PPARD: variants seen among roughly 807,000 people sequenced by gnomAD.
The protein encoded by PPARD is peroxisome proliferator activated receptor delta.
Under a neutral mutation model 39.5 loss-of-function variants are expected in PPARD, and 6 were observed. The observed-to-expected ratio is 0.15, with a 90% confidence interval of 0.08 to 0.30. The LOEUF is 0.30. Among genes scored for constraint, PPARD ranks in the 10% least tolerant of loss-of-function variants. PPARD has a pLI of 1.00. For missense variants in PPARD, 397 were observed against 596.8 expected, an observed-to-expected ratio of 0.67 and a Z score of 3.49; for synonymous variants, 210 against 231.3, an observed-to-expected ratio of 0.91 and a Z score of 0.83.
intron 2 of PPARD, among the ~76,000 whole-genome samples, chr6:35,404,219 C>G (rs556713426): frequency 3.9e-5 from 6 of 152,316 alleles, no homozygotes; most frequent in East Asian, 3.9e-4. Context: ...TCCTGCTTCT[C>G]TAGTTACTGT....
intron 2 of PPARD, among the ~76,000 whole-genome samples, chr6:35,389,515 G>A (rs968041578): frequency 5.3e-5 from 8 of 152,094 alleles, no homozygotes; most frequent in African/African-American, 1.9e-4. Flanking sequence ...GTTTCACCAT[G>A]TTGGCCAGGC....
chr6:35,364,298 G>A (rs547631492), intron 2 of PPARD, among the ~76,000 whole-genome samples: 2 of 152,202 alleles, frequency 1.3e-5, no homozygotes, highest in South Asian at 4.1e-4. Context: ...GTAAATTGGT[G>A]GACATTTGGG....
At chr6:35,395,980 C>G (rs9658108) in intron 2 of PPARD, among the ~76,000 whole-genome samples, 6,190 of 152,186 alleles carry the variant, frequency 0.041, 271 homozygotes, top group African/African-American at 0.11. Flanking sequence ...TTGATTCACA[C>G]GGAAGCTGGG....
Position 35,420,151 on chromosome 6 carries a change from C to T in PPARD, c.155C>T (p.Pro52Leu), listed in dbSNP as rs755423943. The change falls in exon 4 of 8, where the codon CCC becomes CTC. Residue 52 changes from proline (P) to leucine (L), a missense_variant. Coordinates refer to ENST00000360694, the MANE Select transcript of PPARD (RefSeq NM_006238.5). ...GACCTCTCCCGGAGCTCCTCGCCAC[C>T]CTCACTGCTGGACCAACTGCAGATG... ...YTDLSRSSSPPSLLDQLQMGC... is the reference protein window; with the variant it reads ...YTDLSRSSSPLSLLDQLQMGC... 6.8e-6 allele frequency: 11 copies of T among 1,613,470 alleles called. No homozygotes were observed. The East Asian group carries it at 2.5e-4, about 36-fold the overall frequency.
intron 3 of PPARD, 125 bp downstream of exon 3, chr6:35,411,342 C>G: frequency 1.6e-6 from 2 of 1,227,264 alleles, no homozygotes; most frequent in Non-Finnish European, 2.1e-6. Flanking sequence ...GGACTGGAGC[C>G]GGAAGCCTGG....
At chr6:35,410,607 G>T (rs1039443674) in intron 2 of PPARD, among the ~76,000 whole-genome samples, 3 of 152,194 alleles carry the variant, frequency 2.0e-5, no homozygotes, top group African/African-American at 7.2e-5. Context: ...TGGGAGGCGT[G>T]ATGCATATCT....
At chr6:35,372,523 C>A (rs12173582) in intron 2 of PPARD, among the ~76,000 whole-genome samples, 8 of 152,194 alleles carry the variant, frequency 5.3e-5, no homozygotes, top group Non-Finnish European at 1.2e-4. Context: ...CTAGCCAAAT[C>A]GCTCAACCTA....
At chr6:35,354,698 G>C (rs561149217) in intron 2 of PPARD, among the ~76,000 whole-genome samples, 1 of 152,146 alleles carries the variant, frequency 6.6e-6, no homozygotes, top group Non-Finnish European at 1.5e-5. Context: ...GATGTTGCCC[G>C]TAGGCTCATG....
intron 2 of PPARD, among the ~76,000 whole-genome samples, chr6:35,369,952 A>G (rs913606471): frequency 7.2e-5 from 11 of 152,166 alleles, no homozygotes; most frequent in African/African-American, 2.7e-4. Flanking sequence ...ATGTGTGTAT[A>G]TGTGCAAATT....
chr6:35,361,987 G>A (rs1761947228), intron 2 of PPARD, among the ~76,000 whole-genome samples: 2 of 152,176 alleles, frequency 1.3e-5, no homozygotes, highest in African/African-American at 4.8e-5. Flanking sequence ...AGTTAAAAAT[G>A]TTTTAGTTAT....
At chr6:35,359,645 AT>A (rs1761822115) in intron 2 of PPARD, among the ~76,000 whole-genome samples, 1 of 152,082 alleles carries the variant, frequency 6.6e-6, no homozygotes, top group African/African-American at 2.4e-5. Context: ...GCTGACTTCT[AT>A]CCCCACCTGT....
At chr6:35,391,642 G>C (rs181046716) in intron 2 of PPARD, among the ~76,000 whole-genome samples, 79 of 152,340 alleles carry the variant, frequency 5.2e-4, no homozygotes, top group African/African-American at 1.6e-3. Flanking sequence ...TTTAGGAAAA[G>C]AGACGACTGT....
intron 2 of PPARD, among the ~76,000 whole-genome samples, chr6:35,408,306 T>A (rs1215140701): frequency 1.3e-5 from 2 of 152,194 alleles, no homozygotes; most frequent in African/African-American, 2.4e-5. Flanking sequence ...ACACTGTAGC[T>A]GCAAGAGAGC....
rs1036090716 is a variant in PPARD, at chr6:35,366,708, C to G, written c.-102+19558C>G. Among the ~76,000 whole-genome samples, 2 of 152,014 alleles carry G rather than the reference C, an allele frequency of 1.3e-5. No individual in the cohort carries two copies. The highest frequency in any genetic ancestry group is 4.8e-5 in the African/African-American group (2 of 41,342). On this transcript the variant is annotated intron_variant, in intron 2 of 7. Transcript: ENST00000360694. The surrounding 1 kb of genome is among the most constrained non-coding windows in gnomAD (Gnocchi z 4.6). The stretch of plus-strand genomic sequence containing the variant: ...GTGACTACAGGCGTGTACCACCATG[C>G]CTGGCTAATTTTTCTATTTTTAGTA...
chr6:35,369,811 GA>G (rs1762389472), intron 2 of PPARD, among the ~76,000 whole-genome samples: 1 of 152,130 alleles, frequency 6.6e-6, no homozygotes, highest in African/African-American at 2.4e-5. Context: ...TTATTTTGTT[GA>G]TTTATTGGTT....
rs1356184595 is a variant in PPARD at position 35,380,496 on chromosome 6, T to G, written c.-101-30491T>G. On this transcript the variant is annotated intron_variant, in intron 2 of 7. Transcript: ENST00000360694. The stretch of plus-strand genomic sequence containing the variant: ...TGTTTGTTTTTTTTTTTTTTTTTTT[T>G]TTTTTTTTTTGAGACAAGGTCTTAC... 8.1e-4 allele frequency among the ~76,000 whole-genome samples: 108 copies of G among 132,706 alleles called. 1 individual carries two copies. The highest frequency in any genetic ancestry group is 6.8e-3 in the East Asian group (33 of 4,852). 87.1% of individuals were successfully genotyped at this position (132,706 alleles called of 152,430 possible). A position where few individuals can be genotyped will look rare whatever the true frequency, so the allele number is the denominator to read the frequency against.
chr6:35,369,150 A>T (rs1000231918), intron 2 of PPARD, among the ~76,000 whole-genome samples: 1 of 152,222 alleles, frequency 6.6e-6, no homozygotes, highest in African/African-American at 2.4e-5. Context: ...TATAAGGAAG[A>T]CCATAAAATT....
rs9394292 is a variant in PPARD at position 35,350,266 on chromosome 6, C to T, written c.-102+3116C>T. 2.1e-4 allele frequency among the ~76,000 whole-genome samples: 32 copies of T among 152,218 alleles called. No individual in the cohort carries two copies. In the East Asian group the frequency reaches 5.8e-3, roughly 28 times the overall value. On this transcript the variant is annotated intron_variant, in intron 2 of 7. Coordinates refer to ENST00000360694, the MANE Select transcript of PPARD (RefSeq NM_006238.5). Reference sequence around the variant, plus strand: ...CAGAAACTGTTTAATGTGATGTGATCCCATTTGACCATTTTTGCTTTGGTT... The same window carrying T: ...CAGAAACTGTTTAATGTGATGTGATTCCATTTGACCATTTTTGCTTTGGTT...
intron 2 of PPARD, among the ~76,000 whole-genome samples, chr6:35,405,139 C>T (rs1475056599): frequency 6.6e-6 from 1 of 152,062 alleles, no homozygotes; most frequent in Non-Finnish European, 1.5e-5. Context: ...CTCACTGCAA[C>T]CTCTGTCTCC....
Sources: gnomAD v4.1 joint callset for allele counts (sites outside exome capture counted in the v4.1 genomes callset) on GRCh38, gnomAD v4.1.1 for gene constraint, Gnocchi (gnomAD v3.1) non-coding constraint, MANE v1.5 for transcripts, NCBI Gene and HGNC (gene_info 2026-07-23, HGNC 2026-07-21) for gene names.